The following CDH4 variants were observed in gnomAD, a reference collection of about 807,000 sequenced individuals.
CDH4 encodes the protein cadherin 4, also known as cadherin-4.
A neutral mutation model predicts 86.0 loss-of-function variants in CDH4; 33 were observed. The observed-to-expected ratio is 0.38, with a 90% CI of 0.29 to 0.51. The LOEUF is 0.51. Ranked by LOEUF, CDH4 falls within the 20% of genes least tolerant of loss-of-function variation. The pLI is 0.86. For synonymous variants in CDH4, 555 were observed against 549.4 expected (o/e 1.01, Z -0.14); for missense variants, 1,114 against 1,307.4 (o/e 0.85, Z 2.28).
chr20:61,844,609 G>T, intron 4 of CDH4, 59 bp from the exon 5 acceptor site: 1 of 1,515,528 alleles, frequency 6.6e-7, no homozygotes, highest in Non-Finnish European at 9.0e-7. Flanking sequence ...GTCAGAGATC[G>T]GCCCCGGGCC....
At chr20:61,657,195 A>G (rs558446554) in intron 2 of CDH4, among the ~76,000 whole-genome samples, 1 of 152,328 alleles carries the variant, frequency 6.6e-6, no homozygotes, top group East Asian at 1.9e-4. Context: ...CCTCCTCTTC[A>G]GGAGTCAGAT....
chr20:61,520,892 G>A (rs1165788377), intron 2 of CDH4, among the ~76,000 whole-genome samples: 7 of 152,206 alleles, frequency 4.6e-5, no homozygotes, highest in African/African-American at 1.4e-4. Flanking sequence ...ACAGGCAACC[G>A]CACTTAGTGG....
At chr20:61,647,576 T>TCCCG (rs2087078176) in intron 2 of CDH4, among the ~76,000 whole-genome samples, 1 of 95,824 alleles carries the variant, frequency 1.0e-5, no homozygotes, top group Non-Finnish European at 2.1e-5. Context: ...TCTCCCTCCC[T>TCCCG]CCCCCTCTCC....
At chr20:61,310,792 A>G (rs756398660) in intron 2 of CDH4, among the ~76,000 whole-genome samples, 3 of 151,944 alleles carry the variant, frequency 2.0e-5, no homozygotes, top group Non-Finnish European at 4.4e-5. Context: ...TCCTTTTTGT[A>G]TCTTCCCATG....
At chr20:61,752,955 A>AT (rs1425645557) in intron 3 of CDH4, among the ~76,000 whole-genome samples, 4 of 152,224 alleles carry the variant, frequency 2.6e-5, no homozygotes, top group Admixed American at 6.5e-5. Context: ...TTCTGCCATC[A>AT]TTTTTTTAGC....
chr20:61,282,306 C>T (rs765889263), intron 2 of CDH4, among the ~76,000 whole-genome samples: 21 of 152,144 alleles, frequency 1.4e-4, no homozygotes, highest in Non-Finnish European at 2.8e-4. Context: ...TTTCAGTGAG[C>T]CAAGATTGCG....
chr20:61,547,955 AAAAAC>A (rs976415033), intron 2 of CDH4, among the ~76,000 whole-genome samples: 1 of 152,244 alleles, frequency 6.6e-6, no homozygotes, highest in Non-Finnish European at 1.5e-5. Flanking sequence ...TGAAATAAAT[AAAAAC>A]AAAGTAACAC....
chr20:61,351,692 A>G (rs2084713586), intron 2 of CDH4, among the ~76,000 whole-genome samples: 1 of 150,348 alleles, frequency 6.7e-6, no homozygotes, highest in South Asian at 2.1e-4. Context: ...TAATCCAGTT[A>G]CACTCCTTTA....
At chr20:61,661,619 C>T (rs947951299) in intron 2 of CDH4, among the ~76,000 whole-genome samples, 1 of 152,100 alleles carries the variant, frequency 6.6e-6, no homozygotes, top group African/African-American at 2.4e-5. Flanking sequence ...CCAATTAACC[C>T]AGGATTAAAA....
intron 2 of CDH4, among the ~76,000 whole-genome samples, chr20:61,422,464 AAAAC>A (rs2085185239): frequency 1.7e-5 from 1 of 58,792 alleles, no homozygotes; most frequent in African/African-American, 8.3e-5. Flanking sequence ...AAAAAAAAAA[AAAAC>A]CAAATCTCCC....
rs2086793047 is a variant in CDH4, at chr20:61,623,077, T to C, written c.170-120486T>C. On this transcript the variant is annotated intron_variant, in intron 2 of 15. Transcript: ENST00000614565. The surrounding 1 kb of genome is among the most constrained non-coding windows in gnomAD (Gnocchi z 4.4). ...CGGGGAGGTGCCTTAGAGGCAAAGC[T>C]TCATTTAAAATAATGACATAAGACG... 1.3e-5 allele frequency among the ~76,000 whole-genome samples: 2 copies of C among 152,138 alleles called. No individual in the cohort carries two copies. Among genetic ancestry groups the C allele is most frequent in the African/African-American group, 4.8e-5 (2 of 41,406 alleles).
intron 2 of CDH4, among the ~76,000 whole-genome samples, chr20:61,331,659 C>G (rs2084578661): frequency 6.6e-6 from 1 of 151,200 alleles, no homozygotes; most frequent in Admixed American, 6.6e-5. Flanking sequence ...CCCCAGCCAC[C>G]TGCCCCAGGC....
Position 61,385,599 on chromosome 20 carries a change from A to C in CDH4, c.169+130662A>C, listed in dbSNP as rs369983488. Among the ~76,000 whole-genome samples, 12 of 152,214 alleles carry C rather than the reference A, an allele frequency of 7.9e-5. No individual in the cohort carries two copies. In the South Asian group the frequency reaches 2.5e-3, roughly 32 times the overall value. On this transcript the variant is annotated intron_variant, in intron 2 of 15. Transcript: ENST00000614565. ...GCCCTACCATATTGCCAAACGCGTG[A>C]CTAGCCTCCTCTGCAGGGACTGGTT...
At chr20:61,609,709 G>T (rs572656834) in intron 2 of CDH4, among the ~76,000 whole-genome samples, 1 of 152,290 alleles carries the variant, frequency 6.6e-6, no homozygotes, top group South Asian at 2.1e-4. Flanking sequence ...TAATCCAGTG[G>T]GTGTGCATGG....
At chr20:61,606,186 A>G (rs1383599936) in intron 2 of CDH4, among the ~76,000 whole-genome samples, 1 of 152,212 alleles carries the variant, frequency 6.6e-6, no homozygotes, top group Non-Finnish European at 1.5e-5. Context: ...CTCAATGTCC[A>G]CGCAGCAGAT....
At chr20:61,677,650 T>C (rs1487626694) in intron 2 of CDH4, among the ~76,000 whole-genome samples, 1 of 19,054 alleles carries the variant, frequency 5.2e-5, no homozygotes, top group Non-Finnish European at 1.0e-4. Context: ...GATAAGTGGG[T>C]AGGTAGGTGG....
intron 2 of CDH4, among the ~76,000 whole-genome samples, chr20:61,607,208 G>A (rs538340105): frequency 7.9e-5 from 12 of 152,286 alleles, no homozygotes; most frequent in South Asian, 4.1e-4. Flanking sequence ...TTTAATCTGC[G>A]CACATATAAA....
At chr20:61,328,421 C>A (rs897599319) in intron 2 of CDH4, among the ~76,000 whole-genome samples, 1 of 152,178 alleles carries the variant, frequency 6.6e-6, no homozygotes, top group South Asian at 2.1e-4. Context: ...GTGATCCACC[C>A]GCCTTGACCT....
At chr20:61,599,413 C>T (rs1203115044) in intron 2 of CDH4, among the ~76,000 whole-genome samples, 2 of 152,212 alleles carry the variant, frequency 1.3e-5, no homozygotes, top group African/African-American at 4.8e-5. Context: ...CCTGCCCTTT[C>T]TCACCCACAA....
Sources: gnomAD v4.1 joint callset for allele counts (sites outside exome capture counted in the v4.1 genomes callset) on GRCh38, gnomAD v4.1.1 for gene constraint, Gnocchi (gnomAD v3.1) non-coding constraint, MANE v1.5 for transcripts, NCBI Gene and HGNC (gene_info 2026-07-23, HGNC 2026-07-21) for gene names.